CREB3L2: variants seen among roughly 807,000 people sequenced by gnomAD.
CREB3L2 encodes cyclic AMP-responsive element-binding protein 3-like protein 2.
CREB3L2 carries 23 observed loss-of-function variants against 57.2 expected under a neutral mutation model. That is an observed-to-expected ratio of 0.40 (90% CI 0.29 to 0.57). The LOEUF is 0.57. CREB3L2 is among the 20% of genes least tolerant of loss of function. The probability of loss-of-function intolerance (pLI) is 0.42; values close to 1 mark genes in which losing one functional copy is unlikely to be tolerated. For synonymous variants in CREB3L2, 268 were observed against 265.1 expected (o/e 1.01, Z -0.11); for missense variants, 628 against 634.7 (o/e 0.99, Z 0.11).
At chr7:137,987,784 G>A (rs1321672450) in intron 1 of CREB3L2, among the ~76,000 whole-genome samples, 2 of 152,156 alleles carry the variant, frequency 1.3e-5, no homozygotes, top group Non-Finnish European at 2.9e-5. Context: ...CCTGGGCTCA[G>A]GCGATCCTCC....
At chr7:137,972,701 A>ACAAAAAAAC (rs1210424140) in intron 1 of CREB3L2, among the ~76,000 whole-genome samples, 1 of 45,242 alleles carries the variant, frequency 2.2e-5, no homozygotes, top group Non-Finnish European at 3.8e-5. Flanking sequence ...AAAAAAAAAA[A>ACAAAAAAAC]AAAAAAAAAA....
At position 137,950,579 on chromosome 7, in the gene CREB3L2, G is replaced by A. The variant is rs558955246; in HGVS notation, c.103-22213C>T. Among the ~76,000 whole-genome samples the A allele has an allele frequency of 3.9e-5, 6 of 152,278 alleles. No homozygotes were observed. In the South Asian group the frequency reaches 1.2e-3, roughly 32 times the overall value. On this transcript the variant is annotated intron_variant, in intron 1 of 11. Coordinates refer to ENST00000330387, the MANE Select transcript of CREB3L2 (RefSeq NM_194071.4). The stretch of plus-strand genomic sequence containing the variant: ...CAGGATTTGGTTTGTTTGGGGTGGG[G>A]AGTGAGGAGGTATTACGAAGGCTCC...
At chr7:137,946,521 A>G (rs934476185) in intron 1 of CREB3L2, among the ~76,000 whole-genome samples, 6 of 151,500 alleles carry the variant, frequency 4.0e-5, no homozygotes, top group Non-Finnish European at 7.4e-5. Flanking sequence ...TCCAGCTGAC[A>G]CCTAACTGCA....
Position 137,875,918 on chromosome 7 carries a change from A to C in CREB3L2, c.*4558T>G, listed in dbSNP as rs563008226. On this transcript the variant is annotated 3_prime_UTR_variant, in exon 12 of 12. Coordinates refer to ENST00000330387, the MANE Select transcript of CREB3L2 (RefSeq NM_194071.4). ...TTGTCCAAAATAACAAAACAAAACA[A>C]CACCTAGTTTTTTCCTGTGTTAAGT... The C allele has an allele frequency of 1.3e-5, 3 of 225,878 alleles. No homozygotes were observed. The highest frequency in any genetic ancestry group is 6.4e-5 in the East Asian group (1 of 15,624). 14.0% of individuals were successfully genotyped at this position (225,878 alleles called of 1,614,324 possible).
chr7:137,984,783 C>G (rs997394940), intron 1 of CREB3L2, among the ~76,000 whole-genome samples: 1 of 152,146 alleles, frequency 6.6e-6, no homozygotes. Flanking sequence ...ATTTTTCTTT[C>G]GGTTGGCAAA....
At chr7:137,988,219 C>T (rs776176105) in intron 1 of CREB3L2, among the ~76,000 whole-genome samples, 2 of 152,242 alleles carry the variant, frequency 1.3e-5, no homozygotes, top group African/African-American at 4.8e-5. Flanking sequence ...AACAGAGATT[C>T]AGTGAAACAG....
chr7:137,928,248 G>A lies in CREB3L2; in HGVS notation c.221C>T (p.Ala74Val), dbSNP rs775856209. 2.0e-5 allele frequency: 32 copies of A among 1,613,158 alleles called. No individual in the cohort carries two copies. The highest frequency in any genetic ancestry group is 1.0e-4 in the Admixed American group (6 of 59,894). ...MEVEPSPTSP[A>V]PLIQAEHSYS... ...GCTGTGCTCAGCCTGGATGAGAGGC[G>A]CCGGGGACGTCGGGGAAGGTTCCAC... Residue 74 changes from alanine (A) to valine (V), a missense_variant, in exon 2 of 12, where the codon GCG becomes GTG. Physicochemically the swap from Ala to Val is moderately conservative, Grantham distance 64. This residue lies in a region of CREB3L2 where 339 missense variants were observed against 355.4 expected (regional missense o/e 0.95). Transcript: ENST00000330387.
At chr7:137,922,404 A>G (rs1358985236) in intron 2 of CREB3L2, among the ~76,000 whole-genome samples, 4 of 21,446 alleles carry the variant, frequency 1.9e-4, no homozygotes, top group African/African-American at 6.9e-4. Context: ...ATATATATAT[A>G]TATATATATA....
chr7:137,961,583 C>A (rs1250343200), intron 1 of CREB3L2, among the ~76,000 whole-genome samples: 1 of 152,200 alleles, frequency 6.6e-6, no homozygotes, highest in African/African-American at 2.4e-5. Flanking sequence ...GGCCTCAACT[C>A]TTCCTGTCAT....
In CREB3L2 at chr7:137,877,486, A is replaced by C. The variant is rs1585581148; in HGVS notation, c.*2990T>G. 1 of 225,550 alleles carries C rather than the reference A, an allele frequency of 4.4e-6. No homozygotes were observed. 14.0% of individuals were successfully genotyped at this position (225,550 alleles called of 1,614,324 possible). A position where few individuals can be genotyped will look rare whatever the true frequency, so the allele number is the denominator to read the frequency against. Reference sequence around the variant, plus strand: ...CTTTCATTTACAATATCCCTTTTTAAGTGCAAAGTCGAGGGCTGTGAAAAG... The same window carrying C: ...CTTTCATTTACAATATCCCTTTTTACGTGCAAAGTCGAGGGCTGTGAAAAG... On this transcript the variant is annotated 3_prime_UTR_variant, in exon 12 of 12. Coordinates refer to ENST00000330387, the MANE Select transcript of CREB3L2 (RefSeq NM_194071.4).
At position 137,885,510 on chromosome 7, in the gene CREB3L2, T is replaced by C; in HGVS notation, c.1044-8A>G. Reference sequence around the variant, plus strand: ...AGTTGCTGAAGGAGAGTCCTGCCAATGATAACAACAGCCGTGAGGGGAGTC... The same window carrying C: ...AGTTGCTGAAGGAGAGTCCTGCCAACGATAACAACAGCCGTGAGGGGAGTC... On this transcript the variant is annotated splice_polypyrimidine_tract_variant and splice_region_variant and intron_variant, in intron 8 of 11. Coordinates refer to ENST00000330387, the MANE Select transcript of CREB3L2 (RefSeq NM_194071.4). 1.2e-6 allele frequency: 2 copies of C among 1,606,820 alleles called. No homozygotes were observed. The highest frequency in any genetic ancestry group is 1.1e-5 in the South Asian group (1 of 90,926).
Position 137,876,295 on chromosome 7 carries a change from T to G in CREB3L2, c.*4181A>C, listed in dbSNP as rs1683222046. The G allele has an allele frequency of 4.3e-6, 1 of 232,646 alleles. No homozygotes were observed. The highest frequency in any genetic ancestry group is 6.0e-5 in the East Asian group (1 of 16,540). 14.4% of individuals were successfully genotyped at this position (232,646 alleles called of 1,614,324 possible). A position where few individuals can be genotyped will look rare whatever the true frequency, so the allele number is the denominator to read the frequency against. The stretch of plus-strand genomic sequence containing the variant: ...CCTGGATTTACCTATAAGGCACATT[T>G]AAGGCACAAATGAGCATGTAAGGGA... On this transcript the variant is annotated 3_prime_UTR_variant, in exon 12 of 12. Transcript: ENST00000330387.
chr7:137,954,542 C>T (rs1801169831), intron 1 of CREB3L2, among the ~76,000 whole-genome samples: 1 of 152,180 alleles, frequency 6.6e-6, no homozygotes, highest in South Asian at 2.1e-4. Flanking sequence ...GCAGGCAGCA[C>T]ACATTTAAGC....
chr7:137,884,407 C>T (rs144488667), intron 10 of CREB3L2: 3,235 of 155,732 alleles, frequency 0.021, 112 homozygotes, highest in African/African-American at 0.074. Context: ...CCACCACGCC[C>T]GGCTAATTTT....
chr7:137,939,108 C>G (rs1212943661), intron 1 of CREB3L2, among the ~76,000 whole-genome samples: 1 of 152,194 alleles, frequency 6.6e-6, no homozygotes, highest in East Asian at 1.9e-4. Context: ...AGGGCCTGTC[C>G]TTCCATGGCC....
chr7:137,888,815 TGGGC>T (rs1224689431), intron 8 of CREB3L2, among the ~76,000 whole-genome samples: 2 of 152,048 alleles, frequency 1.3e-5, no homozygotes, highest in Non-Finnish European at 2.9e-5. Flanking sequence ...AGTTTTCCAC[TGGGC>T]GCTCCTGCTG....
intron 1 of CREB3L2, among the ~76,000 whole-genome samples, chr7:137,941,004 C>A (rs1033239600): frequency 6.6e-6 from 1 of 152,244 alleles, no homozygotes; most frequent in Non-Finnish European, 1.5e-5. Flanking sequence ...GTTCTGGCTT[C>A]TAGCCACTTT....
intron 10 of CREB3L2, 62 bp downstream of exon 10, chr7:137,884,931 CTG>C: frequency 6.3e-7 from 1 of 1,599,230 alleles, no homozygotes; most frequent in Non-Finnish European, 8.6e-7. Context: ...TTTTGGAAGA[CTG>C]AGAAACCCAG....
intron 3 of CREB3L2, among the ~76,000 whole-genome samples, chr7:137,915,342 A>G (rs1465792509): frequency 6.6e-6 from 1 of 151,912 alleles, no homozygotes; most frequent in Non-Finnish European, 1.5e-5. Context: ...TGTTATTAAT[A>G]TTGTTAATAT....
Sources: gnomAD v4.1 joint callset for allele counts (sites outside exome capture counted in the v4.1 genomes callset) on GRCh38, gnomAD v4.1.1 for gene constraint, gnomAD v4.1.1 regional missense constraint, MANE v1.5 for transcripts, NCBI Gene and HGNC (gene_info 2026-07-23, HGNC 2026-07-21) for gene names.